The following MGAT4A variants were observed in gnomAD, a reference collection of about 807,000 sequenced individuals.
MGAT4A encodes alpha-1,3-mannosyl-glycoprotein 4-beta-N-acetylglucosaminyltransferase A.
MGAT4A carries 33 observed loss-of-function variants against 74.1 expected under a neutral mutation model. The ratio of observed to expected loss-of-function variants is 0.45; its 90% CI spans 0.34 to 0.60. The LOEUF is 0.60. Ranked by LOEUF, MGAT4A falls within the 20% of genes least tolerant of loss-of-function variation. The probability of loss-of-function intolerance (pLI) is 0.02; values close to 1 mark genes in which losing one functional copy is unlikely to be tolerated. For missense variants in MGAT4A, 479 were observed against 628.3 expected, an observed-to-expected ratio of 0.76 and a Z score of 2.54; for synonymous variants, 198 against 210.4, an observed-to-expected ratio of 0.94 and a Z score of 0.51.
At chr2:98,683,108 A>G (rs568697164) in intron 2 of MGAT4A, among the ~76,000 whole-genome samples, 1 of 150,540 alleles carries the variant, frequency 6.6e-6, no homozygotes, top group African/African-American at 2.4e-5. Context: ...CAAAAAAAAT[A>G]AAAAAAATAA....
Position 98,705,948 on chromosome 2 carries a change from CA to C in MGAT4A, c.94+20290del, listed in dbSNP as rs35710005. ...TGGGCGACAGAGCGAGACTCCGTCTCAAAAAAAAAAAAAAAAAAAAAAAGAA... is the reference window on the plus strand; with the variant it reads ...TGGGCGACAGAGCGAGACTCCGTCTCAAAAAAAAAAAAAAAAAAAAAAGAA... On this transcript the variant is annotated intron_variant, in intron 2 of 15. Transcript: ENST00000393487. Among the ~76,000 whole-genome samples the C allele has an allele frequency of 2.5e-3, 121 of 47,492 alleles. 1 individual carries two copies. Among genetic ancestry groups the C allele is most frequent in the South Asian group, 3.8e-3 (5 of 1,316 alleles). The allele number at this position is 47,492 out of a possible 152,430, so 31.2% of individuals were successfully genotyped here.
intron 2 of MGAT4A, among the ~76,000 whole-genome samples, chr2:98,700,033 G>A (rs968797504): frequency 6.6e-6 from 1 of 152,078 alleles, no homozygotes; most frequent in Admixed American, 6.6e-5. Flanking sequence ...GTATGCTTCT[G>A]CAAGCTATAA....
In MGAT4A at chr2:98,726,528, T is replaced by G. The variant is rs934156293; in HGVS notation, c.-196A>C. 2 of 460,734 alleles carry G rather than the reference T, an allele frequency of 4.3e-6. No homozygotes were observed. The highest frequency in any genetic ancestry group is 3.9e-5 in the African/African-American group (2 of 51,252). The allele number at this position is 460,734 out of a possible 1,614,324, so 28.5% of individuals were successfully genotyped here. A position where few individuals can be genotyped will look rare whatever the true frequency, so the allele number is the denominator to read the frequency against. On this transcript the variant is annotated 5_prime_UTR_variant, in exon 2 of 16. Coordinates refer to ENST00000393487, the MANE Select transcript of MGAT4A (RefSeq NM_012214.3). ...TTCACAACTGTACTCGGGATCGTCT[T>G]TGCGGTCTTCACACGCTGATGCCTC...
intron 2 of MGAT4A, among the ~76,000 whole-genome samples, chr2:98,724,970 G>A (rs1017064067): frequency 5.9e-5 from 9 of 152,226 alleles, no homozygotes; most frequent in Non-Finnish European, 1.3e-4. Context: ...AGCTACTCCT[G>A]TGGCTGAGGC....
intron 2 of MGAT4A, among the ~76,000 whole-genome samples, chr2:98,696,685 G>A (rs528384016): frequency 9.2e-5 from 14 of 152,310 alleles, no homozygotes; most frequent in Admixed American, 3.3e-4. Context: ...TCTAGTGATT[G>A]TTCTTTAGGG....
At chr2:98,667,696 TTTGTTG>T (rs142922685) in intron 4 of MGAT4A, among the ~76,000 whole-genome samples, 600 of 150,260 alleles carry the variant, frequency 4.0e-3, no homozygotes, top group East Asian at 9.2e-3. Context: ...GCATTCAGTT[TTTGTTG>T]TTGTTGTTGT....
chr2:98,640,676 C>T (rs1311094914), intron 10 of MGAT4A, among the ~76,000 whole-genome samples: 1 of 152,054 alleles, frequency 6.6e-6, no homozygotes, highest in African/African-American at 2.4e-5. Context: ...AATTACAAAT[C>T]ATATTTTTTT....
Position 98,674,360 on chromosome 2 carries a change from G to C in MGAT4A, c.403+675C>G, listed in dbSNP as rs147061504. Among the ~76,000 whole-genome samples, 32 of 152,292 alleles carry C rather than the reference G, an allele frequency of 2.1e-4. 1 individual carries two copies. The East Asian group carries it at 6.2e-3, about 29-fold the overall frequency. On this transcript the variant is annotated intron_variant, in intron 4 of 15. Transcript: ENST00000393487. The stretch of plus-strand genomic sequence containing the variant: ...AAAGATTAACAAAGTCAAAACAGCG[G>C]AATCAAATGTATGAGTGGTAAACGG...
At chr2:98,694,937 C>G (rs56945529) in intron 2 of MGAT4A, 33,726 of 153,912 alleles carry the variant, frequency 0.22, 4,519 homozygotes, top group Non-Finnish European at 0.31. Context: ...GCAACCCCCC[C>G]CTTCCGATCT....
intron 2 of MGAT4A, among the ~76,000 whole-genome samples, chr2:98,681,327 A>G (rs1215842162): frequency 6.6e-6 from 1 of 152,172 alleles, no homozygotes; most frequent in African/African-American, 2.4e-5. Flanking sequence ...CTTGATGTAT[A>G]ATTCTAATAT....
In MGAT4A at chr2:98,621,257, G is replaced by C; in HGVS notation, c.*4309C>G. 1.0e-6 allele frequency: 1 copy of C among 986,886 alleles called. No individual in the cohort carries two copies. Among genetic ancestry groups the C allele is most frequent in the Non-Finnish European group, 1.4e-6 (1 of 710,590 alleles). 61.1% of individuals were successfully genotyped at this position (986,886 alleles called of 1,614,324 possible). A position where few individuals can be genotyped will look rare whatever the true frequency, so the allele number is the denominator to read the frequency against. On this transcript the variant is annotated 3_prime_UTR_variant, in exon 16 of 16. Coordinates refer to ENST00000393487, the MANE Select transcript of MGAT4A (RefSeq NM_012214.3). ...TGGATTCAAAGTGTTGGCCAGGCTG[G>C]GTCTTATCTGGAGACTGGAGATGAA...
At chr2:98,662,908 C>G (rs1260512017) in intron 5 of MGAT4A, 138 bp downstream of exon 5, 6 of 564,980 alleles carry the variant, frequency 1.1e-5, no homozygotes, top group Non-Finnish European at 1.7e-5. Flanking sequence ...ATTAAACTAC[C>G]AGATAGAATA....
chr2:98,655,845 G>A (rs940754942), intron 7 of MGAT4A: 18 of 199,590 alleles, frequency 9.0e-5, no homozygotes, highest in Non-Finnish European at 1.7e-4. Context: ...AATATCCAAC[G>A]GTAAAGACAT....
At position 98,640,159 on chromosome 2, in the gene MGAT4A, G is replaced by A. The variant is rs1471629128; in HGVS notation, c.1090C>T (p.Leu364=). ...ATTTTTCCTGATAGTGATGAGTGCA[G>A]ACCAACATGTTGGAAAAGGGAAGGT... ...FRPSLFQHVG[L]HSSLSGKIQK... is the part of the protein sequence containing the mutation. Residue 364 remains leucine (L), a synonymous_variant, in exon 11 of 16, where the codon CTG becomes TTG. Coordinates refer to ENST00000393487, the MANE Select transcript of MGAT4A (RefSeq NM_012214.3). 2 of 1,613,914 alleles carry A rather than the reference G, an allele frequency of 1.2e-6. No individual in the cohort carries two copies. The highest frequency in any genetic ancestry group is 2.7e-5 in the African/African-American group (2 of 74,908).
rs183360851 is a variant in MGAT4A at position 98,699,353 on chromosome 2, T to C, written c.95-20882A>G. Among the ~76,000 whole-genome samples the C allele has an allele frequency of 1.8e-3, 275 of 152,292 alleles. 1 individual carries two copies. The highest frequency in any genetic ancestry group is 1.4e-3 in the Non-Finnish European group (98 of 68,032). On this transcript the variant is annotated intron_variant, in intron 2 of 15. Transcript: ENST00000393487. ...TAGTTTAGGCACACTGAGCCACTCT[T>C]CTCATATAGGGAAAGGTTATTATCA...
chr2:98,726,168 G>T, intron 2 of MGAT4A, 71 bp downstream of exon 2: 1 of 1,128,730 alleles, frequency 8.9e-7, no homozygotes, highest in Non-Finnish European at 1.3e-6. Context: ...TTTGACCTAA[G>T]CATTTAGGCA....
In MGAT4A at chr2:98,620,749, T is replaced by C. The variant is rs1359942048; in HGVS notation, c.*4817A>G. 6.6e-6 allele frequency: 1 copy of C among 152,224 alleles called. No homozygotes were observed. The highest frequency in any genetic ancestry group is 1.5e-5 in the Non-Finnish European group (1 of 68,040). 9.4% of individuals were successfully genotyped at this position (152,224 alleles called of 1,614,324 possible). A position where few individuals can be genotyped will look rare whatever the true frequency, so the allele number is the denominator to read the frequency against. ...TCTTAATGTATCTAAAATACCACTG[T>C]TAATCATTCTTGAATTTACTTCTGA... On this transcript the variant is annotated 3_prime_UTR_variant, in exon 16 of 16. Coordinates refer to ENST00000393487, the MANE Select transcript of MGAT4A (RefSeq NM_012214.3).
intron 2 of MGAT4A, among the ~76,000 whole-genome samples, chr2:98,725,782 G>A (rs1702753007): frequency 6.6e-6 from 1 of 152,130 alleles, no homozygotes; most frequent in Non-Finnish European, 1.5e-5. Context: ...GTCAATGCAT[G>A]CAGTTTAAAT....
At chr2:98,719,572 C>T (rs1013548766) in intron 2 of MGAT4A, among the ~76,000 whole-genome samples, 21 of 151,902 alleles carry the variant, frequency 1.4e-4, no homozygotes, top group African/African-American at 4.6e-4. Flanking sequence ...ATACACCAAA[C>T]GGGGAAAAAA....
Sources: gnomAD v4.1 joint callset for allele counts (sites outside exome capture counted in the v4.1 genomes callset) on GRCh38, gnomAD v4.1.1 for gene constraint, MANE v1.5 for transcripts, NCBI Gene and HGNC (gene_info 2026-07-23, HGNC 2026-07-21) for gene names.